CDC42BPB: variants seen among roughly 807,000 people sequenced by gnomAD.
The protein encoded by CDC42BPB is serine/threonine-protein kinase MRCK beta.
Under a neutral mutation model 214.9 loss-of-function variants are expected in CDC42BPB, and 37 were observed. That is an observed-to-expected ratio of 0.17 (90% CI 0.13 to 0.23). CDC42BPB has a LOEUF of 0.23. CDC42BPB is among the 10% of genes least tolerant of loss of function. The pLI, the probability that CDC42BPB is intolerant of heterozygous loss-of-function variation, is 1.00. For synonymous variants in CDC42BPB, 931 were observed against 884.0 expected, an observed-to-expected ratio of 1.05 and a Z score of -0.94; for missense variants, 1,694 against 2,227.0, an observed-to-expected ratio of 0.76 and a Z score of 4.82.
rs763717292 is a variant in CDC42BPB, at chr14:102,949,785, C to T, written c.3429G>A (p.Ala1143=). The part of the protein sequence containing the change: ...EGKSTQPGVI[A]SQVLDLRDDE... ...CAGACCTGAGATCCAAGACTTGGCT[C>T]GCAATGACACCAGGCTGGGTGGATT... Residue 1143 remains alanine (A), a synonymous_variant, in exon 26 of 37, where the codon GCG becomes GCA. Transcript: ENST00000361246. 24 of 1,613,276 alleles carry T rather than the reference C, an allele frequency of 1.5e-5. No homozygotes were observed. In the South Asian group the frequency reaches 1.5e-4, roughly 10 times the overall value.
intron 1 of CDC42BPB, among the ~76,000 whole-genome samples, chr14:103,032,139 C>T (rs1186179027): frequency 6.6e-6 from 1 of 152,024 alleles, no homozygotes; most frequent in African/African-American, 2.4e-5. Context: ...AGAAGCAACA[C>T]GTATTTCATT....
chr14:102,980,694 T>C, intron 8 of CDC42BPB, 79 bp downstream of exon 8: 1 of 1,392,706 alleles, frequency 7.2e-7, no homozygotes, highest in Admixed American at 1.7e-5. Context: ...TGTACTGACT[T>C]GATAAGCAAC....
Position 103,012,157 on chromosome 14 carries a change from C to T in CDC42BPB, c.207G>A (p.Met69Ile), listed in dbSNP as rs1480673716. 2.5e-6 allele frequency: 4 copies of T among 1,613,742 alleles called. No homozygotes were observed. Among genetic ancestry groups the T allele is most frequent in the Non-Finnish European group, 3.4e-6 (4 of 1,179,768 alleles). The change falls in exon 2 of 37, where the codon ATG (methionine) becomes ATA (isoleucine). Residue 69 changes from methionine to isoleucine, a missense_variant. Met to Ile is a conservative substitution (Grantham distance 10). This residue lies in a region of CDC42BPB where 225 missense variants were observed against 459.3 expected (regional missense o/e 0.49). Transcript: ENST00000361246. ...AKPFTQLVKE[M>I]QLHREDFEII... ...TTTCAAAGTCTTCTCGATGAAGCTGCATTTCTTTCACCAGCTGTGTAAATG... is the reference window on the plus strand; with the variant it reads ...TTTCAAAGTCTTCTCGATGAAGCTGTATTTCTTTCACCAGCTGTGTAAATG...
chr14:102,974,826 T>C (rs1424254614), intron 11 of CDC42BPB, among the ~76,000 whole-genome samples: 3 of 151,884 alleles, frequency 2.0e-5, no homozygotes, highest in South Asian at 4.2e-4. Context: ...CCAGGCGTGG[T>C]GGGGGGCTAC....
intron 4 of CDC42BPB, among the ~76,000 whole-genome samples, chr14:103,003,592 C>A (rs1292968019): frequency 6.6e-6 from 1 of 152,234 alleles, no homozygotes; most frequent in East Asian, 1.9e-4. Flanking sequence ...CAAAAACATC[C>A]ACGTGGCTTA....
intron 20 of CDC42BPB, among the ~76,000 whole-genome samples, chr14:102,961,989 A>C (rs1180013627): frequency 6.6e-6 from 1 of 152,270 alleles, no homozygotes; most frequent in Non-Finnish European, 1.5e-5. Context: ...AACAACCTGA[A>C]TTTTTAAAAG....
intron 1 of CDC42BPB, among the ~76,000 whole-genome samples, chr14:103,021,309 T>TA (rs1393789004): frequency 6.6e-6 from 1 of 151,932 alleles, no homozygotes; most frequent in Non-Finnish European, 1.5e-5. Flanking sequence ...AAATATTTTT[T>TA]AAAAAAATTA....
intron 6 of CDC42BPB, 73 bp downstream of exon 6, chr14:102,986,414 A>G (rs1894249828): frequency 2.1e-6 from 2 of 964,170 alleles, no homozygotes; most frequent in Non-Finnish European, 3.2e-6. Context: ...ATTGTACCTC[A>G]AATTGAAAAC....
chr14:102,985,083 C>T (rs1293180154), intron 6 of CDC42BPB, among the ~76,000 whole-genome samples: 1 of 150,964 alleles, frequency 6.6e-6, no homozygotes, highest in Non-Finnish European at 1.5e-5. Context: ...TATACCATGA[C>T]GGGGTGGTGT....
chr14:102,954,664 T>C lies in CDC42BPB; in HGVS notation c.2926A>G (p.Thr976Ala). Residue 976 changes from threonine to alanine, a missense_variant, in exon 22 of 37, where the codon ACA becomes GCA. By Grantham distance (58) the Thr-to-Ala change is moderately conservative. Transcript: ENST00000361246. Reference sequence around the variant, plus strand: ...GACGCTTCTGGCTTCGGAGCTTGTGTTTCTTGCTCACTAGCTGAGCTGGTC... The same window carrying C: ...GACGCTTCTGGCTTCGGAGCTTGTGCTTCTTGCTCACTAGCTGAGCTGGTC... ...FRTSSASEQE[T>A]QAPKPEASPS... 1 of 1,613,904 alleles carries C rather than the reference T, an allele frequency of 6.2e-7. No homozygotes were observed. The highest frequency in any genetic ancestry group is 8.5e-7 in the Non-Finnish European group (1 of 1,179,898).
Position 102,978,140 on chromosome 14 carries a change from T to C in CDC42BPB, c.1206A>G (p.Thr402=). The C allele has an allele frequency of 1.2e-6, 2 of 1,612,946 alleles. No homozygotes were observed. Among genetic ancestry groups the C allele is most frequent in the Non-Finnish European group, 1.7e-6 (2 of 1,178,952 alleles). ...TCCAGACATACCTTTCCGTTGTGAA[T>C]GTAAAACCAATGAATGGCAAATGTA... ...SGLHLPFIGF[T]FTTESCFSDR... is the part of the protein sequence containing the mutation. Residue 402 remains threonine (T), a synonymous_variant, in exon 9 of 37, where the codon ACA becomes ACG. Coordinates refer to ENST00000361246, the MANE Select transcript of CDC42BPB (RefSeq NM_006035.4).
At chr14:103,053,225 A>G (rs1433517905) in intron 1 of CDC42BPB, among the ~76,000 whole-genome samples, 2 of 151,926 alleles carry the variant, frequency 1.3e-5, no homozygotes, top group South Asian at 2.1e-4. Flanking sequence ...GCAGGCACCT[A>G]TAATCCCAGC....
intron 23 of CDC42BPB, 42 bp downstream of exon 23, chr14:102,954,156 A>C: frequency 7.9e-7 from 1 of 1,270,896 alleles, no homozygotes; most frequent in Non-Finnish European, 1.1e-6. Context: ...ATAAACAACT[A>C]AATAACTAAG....
At position 102,939,727 on chromosome 14, in the gene CDC42BPB, T is replaced by C. The variant is rs148066338; in HGVS notation, c.4710A>G (p.Arg1570=). The C allele has an allele frequency of 2.2e-4, 354 of 1,614,146 alleles. No individual in the cohort carries two copies. The African/African-American group carries it at 4.2e-3, about 19-fold the overall frequency. The part of the protein sequence containing the change: ...VPEEERLQQR[R]EMLRDPELRS... ...TCAATTCTGGGTCTCTAAGCATCTC[T>C]CTGGGGAAAGGACACACTTTTGAGA... Residue 1570 remains arginine (R), a splice_region_variant and synonymous_variant, in exon 34 of 37, where the codon CGA becomes CGG. Coordinates refer to ENST00000361246, the MANE Select transcript of CDC42BPB (RefSeq NM_006035.4).
At position 103,004,293 on chromosome 14, in the gene CDC42BPB, T is replaced by C; in HGVS notation, c.352-270A>G. ...ACCATTTCTGTGGCTGACACTTAGATTCACCCCACCCTTATGTGGATTCCT... is the reference window on the plus strand; with the variant it reads ...ACCATTTCTGTGGCTGACACTTAGACTCACCCCACCCTTATGTGGATTCCT... On this transcript the variant is annotated intron_variant, in intron 3 of 36. Transcript: ENST00000361246. This position sits in a 1 kb window ranked among gnomAD's most constrained non-coding sequence, Gnocchi z 5.3. 1 of 706,308 alleles carries C rather than the reference T, an allele frequency of 1.4e-6. No individual in the cohort carries two copies. Among genetic ancestry groups the C allele is most frequent in the Non-Finnish European group, 1.9e-6 (1 of 517,222 alleles). The allele number at this position is 706,308 out of a possible 1,614,324, so 43.8% of individuals were successfully genotyped here.
At position 102,946,540 on chromosome 14, in the gene CDC42BPB, C is replaced by T. The variant is rs934380429; in HGVS notation, c.3676G>A (p.Val1226Met). The change falls in exon 28 of 37, where the codon GTG (valine) becomes ATG (methionine). Residue 1226 changes from valine to methionine, a missense_variant. Physicochemically the swap from Val to Met is conservative, Grantham distance 21. This residue lies in a region of CDC42BPB where 567 missense variants were observed against 790.3 expected (regional missense o/e 0.72). Transcript: ENST00000361246. ...LHKNRLRNQV[V>M]HVPLEAYDSS... Reference sequence around the variant, plus strand: ...TCGTAGGCTTCCAAGGGAACATGCACGACCTGATTCCTCAGCCGGTTTTTA... The same window carrying T: ...TCGTAGGCTTCCAAGGGAACATGCATGACCTGATTCCTCAGCCGGTTTTTA... 1.1e-5 allele frequency: 17 copies of T among 1,612,654 alleles called. No individual in the cohort carries two copies. In the East Asian group the frequency reaches 1.6e-4, roughly 15 times the overall value.
chr14:103,022,912 C>G (rs893119505), intron 1 of CDC42BPB, among the ~76,000 whole-genome samples: 6 of 152,128 alleles, frequency 3.9e-5, no homozygotes, highest in African/African-American at 1.4e-4. Flanking sequence ...CTCAGGCTCC[C>G]ACTGCACCAG....
chr14:103,016,473 GCAGGTGAGGGGAGGGAAC>G lies in CDC42BPB; in HGVS notation c.176-4303_176-4286del, dbSNP rs1257608849. Among the ~76,000 whole-genome samples, 101 of 81,712 alleles carry G rather than the reference GCAGGTGAGGGGAGGGAAC, an allele frequency of 1.2e-3. 14 individuals are homozygous for G. The highest frequency in any genetic ancestry group is 3.4e-3 in the African/African-American group (84 of 24,960). 53.6% of individuals were successfully genotyped at this position (81,712 alleles called of 152,430 possible). On this transcript the variant is annotated intron_variant, in intron 1 of 36. Transcript: ENST00000361246. The stretch of plus-strand genomic sequence containing the variant: ...TGAGGAGGACATCAGTGCCGGTGAA[GCAGGTGAGGGGAGGGAAC>G]CAGGTGAGGGGAGGGAACCAGGTGA...
At chr14:103,017,307 G>C (rs892711785) in intron 1 of CDC42BPB, among the ~76,000 whole-genome samples, 1 of 152,156 alleles carries the variant, frequency 6.6e-6, no homozygotes, top group Non-Finnish European at 1.5e-5. Context: ...GGACAACAGT[G>C]AGAACTTGTC....
Sources: gnomAD v4.1 joint callset for allele counts (sites outside exome capture counted in the v4.1 genomes callset) on GRCh38, gnomAD v4.1.1 for gene constraint, gnomAD v4.1.1 regional missense constraint, Gnocchi (gnomAD v3.1) non-coding constraint, MANE v1.5 for transcripts, NCBI Gene and HGNC (gene_info 2026-07-23, HGNC 2026-07-21) for gene names.